TENT5A: variants seen among roughly 807,000 people sequenced by gnomAD.
The protein encoded by TENT5A is terminal nucleotidyltransferase 5A.
A neutral mutation model predicts 30.2 loss-of-function variants in TENT5A; 9 were observed. That is an observed-to-expected ratio of 0.30 (90% CI 0.18 to 0.52). The LOEUF (loss-of-function observed/expected upper bound fraction) is 0.52, where lower values mean the gene tolerates loss of function less well. TENT5A is among the 20% of genes least tolerant of loss of function. TENT5A has a pLI of 0.97. For synonymous variants in TENT5A, 264 were observed against 234.2 expected, an observed-to-expected ratio of 1.13 and a Z score of -1.16; for missense variants, 411 against 566.1, an observed-to-expected ratio of 0.73 and a Z score of 2.78.
In TENT5A at chr6:81,750,505, C is replaced by A. The variant is rs755273587; in HGVS notation, c.553-34G>T. On this transcript the variant is annotated intron_variant, in intron 2 of 2. Transcript: ENST00000320172. This position sits in a 1 kb window ranked among gnomAD's most constrained non-coding sequence, Gnocchi z 4.2. ...TAAAAGATAAAACAAAATGAGCAAACCTAGAAAATAATAAATCAATAAATA... is the reference window on the plus strand; with the variant it reads ...TAAAAGATAAAACAAAATGAGCAAAACTAGAAAATAATAAATCAATAAATA... 83 of 1,253,990 alleles carry A rather than the reference C, an allele frequency of 6.6e-5. No homozygotes were observed. The highest frequency in any genetic ancestry group is 1.9e-4 in the Middle Eastern group (1 of 5,154). The allele number at this position is 1,253,990 out of a possible 1,614,324, so 77.7% of individuals were successfully genotyped here.
chr6:81,750,710 A>C lies in TENT5A; in HGVS notation c.553-239T>G, dbSNP rs1265621844. Among the ~76,000 whole-genome samples, 3 of 152,244 alleles carry C rather than the reference A, an allele frequency of 2.0e-5. No individual in the cohort carries two copies. Among genetic ancestry groups the C allele is most frequent in the Non-Finnish European group, 4.4e-5 (3 of 68,040 alleles). On this transcript the variant is annotated intron_variant, in intron 2 of 2. Transcript: ENST00000320172. The surrounding 1 kb of genome is among the most constrained non-coding windows in gnomAD (Gnocchi z 4.2). ...GGTAATAGTTTGAGGCTTTTGGCAGACGTAGCACAGTAGTAAGAGGTTTTG... is the reference window on the plus strand; with the variant it reads ...GGTAATAGTTTGAGGCTTTTGGCAGCCGTAGCACAGTAGTAAGAGGTTTTG...
Position 81,747,215 on chromosome 6 carries a change from C to T in TENT5A, c.*2480G>A. On this transcript the variant is annotated 3_prime_UTR_variant, in exon 3 of 3. Coordinates refer to ENST00000320172, the MANE Select transcript of TENT5A (RefSeq NM_017633.3). Reference sequence around the variant, plus strand: ...GCAGATCACCAGCTGCTCCTGTGTTCACAAGTGCTCCCCTAGTTTTCTTTC... The same window carrying T: ...GCAGATCACCAGCTGCTCCTGTGTTTACAAGTGCTCCCCTAGTTTTCTTTC... 2 of 985,454 alleles carry T rather than the reference C, an allele frequency of 2.0e-6. No individual in the cohort carries two copies. Among genetic ancestry groups the T allele is most frequent in the Non-Finnish European group, 2.4e-6 (2 of 829,922 alleles). 61.0% of individuals were successfully genotyped at this position (985,454 alleles called of 1,614,324 possible).
rs1768917239 is a variant in TENT5A at position 81,747,856 on chromosome 6, T to C, written c.*1839A>G. The C allele has an allele frequency of 2.0e-6, 2 of 985,754 alleles. No individual in the cohort carries two copies. Among genetic ancestry groups the C allele is most frequent in the South Asian group, 4.7e-5 (1 of 21,294 alleles). The allele number at this position is 985,754 out of a possible 1,614,324, so 61.1% of individuals were successfully genotyped here. A position where few individuals can be genotyped will look rare whatever the true frequency, so the allele number is the denominator to read the frequency against. ...AAAGGGTGGTTTTAGGATTAGCTGTTATTGAACTGAAATAGTAATGCCAGT... is the reference window on the plus strand; with the variant it reads ...AAAGGGTGGTTTTAGGATTAGCTGTCATTGAACTGAAATAGTAATGCCAGT... On this transcript the variant is annotated 3_prime_UTR_variant, in exon 3 of 3. Transcript: ENST00000320172.
chr6:81,745,780 T>C lies in TENT5A; in HGVS notation c.*3915A>G. On this transcript the variant is annotated 3_prime_UTR_variant, in exon 3 of 3. Transcript: ENST00000320172. Reference sequence around the variant, plus strand: ...TTTACAAAAAAATCCAAATATTGGATGCTGTAAACAAAATTCACAATCTGT... The same window carrying C: ...TTTACAAAAAAATCCAAATATTGGACGCTGTAAACAAAATTCACAATCTGT... 1.0e-6 allele frequency: 1 copy of C among 985,586 alleles called. No homozygotes were observed. Among genetic ancestry groups the C allele is most frequent in the Non-Finnish European group, 1.2e-6 (1 of 829,686 alleles). The allele number at this position is 985,586 out of a possible 1,614,324, so 61.1% of individuals were successfully genotyped here. A position where few individuals can be genotyped will look rare whatever the true frequency, so the allele number is the denominator to read the frequency against.
Position 81,746,761 on chromosome 6 carries a change from T to C in TENT5A, c.*2934A>G. The C allele has an allele frequency of 8.2e-7, 1 of 1,218,452 alleles. No homozygotes were observed. The allele number at this position is 1,218,452 out of a possible 1,614,324, so 75.5% of individuals were successfully genotyped here. A position where few individuals can be genotyped will look rare whatever the true frequency, so the allele number is the denominator to read the frequency against. The stretch of plus-strand genomic sequence containing the variant: ...GGCGCTAATAGGGAGTCGGGAGCTG[T>C]TCTTTTCTCTGACCTATACACATGG... On this transcript the variant is annotated 3_prime_UTR_variant, in exon 3 of 3. Transcript: ENST00000320172.
At position 81,747,746 on chromosome 6, in the gene TENT5A, G is replaced by A. The variant is rs750536159; in HGVS notation, c.*1949C>T. 1.0e-6 allele frequency: 1 copy of A among 985,824 alleles called. No homozygotes were observed. The highest frequency in any genetic ancestry group is 1.2e-6 in the Non-Finnish European group (1 of 829,918). 61.1% of individuals were successfully genotyped at this position (985,824 alleles called of 1,614,324 possible). Reference sequence around the variant, plus strand: ...TATGTGGTTGTTTCACAACACAAAGGGAAGGTTCTTATGTGTTAGTTTTGT... The same window carrying A: ...TATGTGGTTGTTTCACAACACAAAGAGAAGGTTCTTATGTGTTAGTTTTGT... On this transcript the variant is annotated 3_prime_UTR_variant, in exon 3 of 3. Transcript: ENST00000320172.
rs1465821102 is a variant in TENT5A, at chr6:81,750,846, GGTTA to G, written c.553-379_553-376del. 6.6e-6 allele frequency among the ~76,000 whole-genome samples: 1 copy of G among 152,210 alleles called. No homozygotes were observed. The highest frequency in any genetic ancestry group is 1.5e-5 in the Non-Finnish European group (1 of 68,030). Reference sequence around the variant, plus strand: ...AGACTCGGAAGGGCATTCAGCGGTAGGTTAGTCAGCCTCTCGCCCTTGTTCCAAG... The same window carrying G: ...AGACTCGGAAGGGCATTCAGCGGTAGGTCAGCCTCTCGCCCTTGTTCCAAG... On this transcript the variant is annotated intron_variant, in intron 2 of 2. Coordinates refer to ENST00000320172, the MANE Select transcript of TENT5A (RefSeq NM_017633.3). This position sits in a 1 kb window ranked among gnomAD's most constrained non-coding sequence, Gnocchi z 4.2.
At position 81,750,583 on chromosome 6, in the gene TENT5A, T is replaced by A; in HGVS notation, c.553-112A>T. 1.4e-6 allele frequency: 1 copy of A among 729,402 alleles called. No homozygotes were observed. Among genetic ancestry groups the A allele is most frequent in the Non-Finnish European group, 2.1e-6 (1 of 471,888 alleles). 45.2% of individuals were successfully genotyped at this position (729,402 alleles called of 1,614,324 possible). A position where few individuals can be genotyped will look rare whatever the true frequency, so the allele number is the denominator to read the frequency against. Reference sequence around the variant, plus strand: ...ATTTTGCTCTTTCCCTTTTGTTTTGTCAAGTTTCAGCCAAACACTACCTAC... The same window carrying A: ...ATTTTGCTCTTTCCCTTTTGTTTTGACAAGTTTCAGCCAAACACTACCTAC... On this transcript the variant is annotated intron_variant, in intron 2 of 2. Coordinates refer to ENST00000320172, the MANE Select transcript of TENT5A (RefSeq NM_017633.3). The surrounding 1 kb of genome is among the most constrained non-coding windows in gnomAD (Gnocchi z 4.2).
At position 81,749,551 on chromosome 6, in the gene TENT5A, C is replaced by T; in HGVS notation, c.*144G>A. The T allele has an allele frequency of 3.6e-6, 5 of 1,403,668 alleles. No individual in the cohort carries two copies. Among genetic ancestry groups the T allele is most frequent in the Non-Finnish European group, 4.6e-6 (5 of 1,082,678 alleles). The allele number at this position is 1,403,668 out of a possible 1,614,324, so 87.0% of individuals were successfully genotyped here. On this transcript the variant is annotated 3_prime_UTR_variant, in exon 3 of 3. Transcript: ENST00000320172. ...TCTATTAAAAGATACATAAGCTTTG[C>T]CAAACTTAAAACCAGGAGCATATCA...
Position 81,748,756 on chromosome 6 carries a change from T to C in TENT5A, c.*939A>G. On this transcript the variant is annotated 3_prime_UTR_variant, in exon 3 of 3. Coordinates refer to ENST00000320172, the MANE Select transcript of TENT5A (RefSeq NM_017633.3). The stretch of plus-strand genomic sequence containing the variant: ...AGTATTTGCAAGAAAAAATAGGGCA[T>C]TTTCTCCACCATTCACAAGCTTATG... The C allele has an allele frequency of 1.0e-6, 1 of 985,718 alleles. No homozygotes were observed. Among genetic ancestry groups the C allele is most frequent in the Non-Finnish European group, 1.2e-6 (1 of 829,820 alleles). 61.1% of individuals were successfully genotyped at this position (985,718 alleles called of 1,614,324 possible).
At position 81,750,020 on chromosome 6, in the gene TENT5A, T is replaced by G; in HGVS notation, c.1004A>C (p.Lys335Thr). Residue 335 changes from lysine (K) to threonine (T), a missense_variant, in exon 3 of 3, where the codon AAA becomes ACA. Lys to Thr is a moderately conservative substitution (Grantham distance 78). Around this residue, in one of 5 missense-constraint regions of TENT5A, gnomAD observed 135 missense variants for 240.0 expected, o/e 0.56. Transcript: ENST00000320172. The surrounding 1 kb of genome is among the most constrained non-coding windows in gnomAD (Gnocchi z 4.2). ...DFSDIGEQQRKLESYLQNHFV... is the reference protein window; with the variant it reads ...DFSDIGEQQRTLESYLQNHFV... ...GTGGTTCTGCAAATAGGACTCCAGT[T>G]TTCTCTGCTGCTCTCCAATGTCTGA... The G allele has an allele frequency of 1.2e-6, 2 of 1,614,194 alleles. No homozygotes were observed. Among genetic ancestry groups the G allele is most frequent in the Non-Finnish European group, 1.7e-6 (2 of 1,180,036 alleles).
rs530864697 is a variant in TENT5A at position 81,752,575 on chromosome 6, C to G, written c.-182G>C. 1.1e-6 allele frequency: 1 copy of G among 871,918 alleles called. No individual in the cohort carries two copies. Among genetic ancestry groups the G allele is most frequent in the East Asian group, 2.6e-5 (1 of 37,908 alleles). 54.0% of individuals were successfully genotyped at this position (871,918 alleles called of 1,614,324 possible). On this transcript the variant is annotated 5_prime_UTR_variant, in exon 1 of 3. Coordinates refer to ENST00000320172, the MANE Select transcript of TENT5A (RefSeq NM_017633.3). ...CCCTGCCGCCTGCGCTCACCACTCC[C>G]TCCCCGCGACCCCTCCTGCGCCGCT...
At position 81,751,875 on chromosome 6, in the gene TENT5A, G is replaced by A. The variant is rs1230644651; in HGVS notation, c.267C>T (p.Asn89=). The stretch of plus-strand genomic sequence containing the variant: ...TCGGCTGCAGCTCGAGCGTGGGGAA[G>A]TTGCCGCGCCCGTGAATCGGAATGG... The part of the protein sequence containing the change: ...SETIPIHGRG[N]FPTLELQPSL... The change falls in exon 2 of 3, where the codon AAC becomes AAT. Residue 89 remains asparagine (N), a synonymous_variant. Transcript: ENST00000320172. 6.2e-7 allele frequency: 1 copy of A among 1,613,084 alleles called. No individual in the cohort carries two copies. Among genetic ancestry groups the A allele is most frequent in the Non-Finnish European group, 8.5e-7 (1 of 1,179,912 alleles).
At position 81,745,746 on chromosome 6, in the gene TENT5A, ACT is replaced by A. The variant is rs750913854; in HGVS notation, c.*3947_*3948del. The A allele has an allele frequency of 2.0e-6, 2 of 985,000 alleles. No homozygotes were observed. Among genetic ancestry groups the A allele is most frequent in the African/African-American group, 1.7e-5 (1 of 57,228 alleles). The allele number at this position is 985,000 out of a possible 1,614,324, so 61.0% of individuals were successfully genotyped here. A position where few individuals can be genotyped will look rare whatever the true frequency, so the allele number is the denominator to read the frequency against. On this transcript the variant is annotated 3_prime_UTR_variant, in exon 3 of 3. Transcript: ENST00000320172. The stretch of plus-strand genomic sequence containing the variant: ...AAACACAAATCAATAGAAAAAAATA[ACT>A]TTTTTATTTACAAAAAAATCCAAAT...
Position 81,752,044 on chromosome 6 carries a change from CCGAAGTCGCCGCCG to C in TENT5A, c.84_97del (p.Gly29ArgfsTer160), listed in dbSNP as rs1163440019. 6.3e-7 allele frequency: 1 copy of C among 1,585,866 alleles called. No homozygotes were observed. Among genetic ancestry groups the C allele is most frequent in the Admixed American group, 1.7e-5 (1 of 58,710 alleles). On this transcript the variant is annotated frameshift_variant, in exon 2 of 3. Coordinates refer to ENST00000320172, the MANE Select transcript of TENT5A (RefSeq NM_017633.3). LOFTEE classifies it high-confidence loss of function. ...GTCGCCGCCGCCGAAGTCGCCGCCG[CCGAAGTCGCCGCCG>C]CCGAAGTCGCCGCCTAGGGGGATGT... is the stretch of plus-strand genomic sequence containing the variant.
At chr6:81,752,385 C>G (rs766460643) in intron 1 of TENT5A, 46 bp downstream of exon 1, 2 of 1,549,788 alleles carry the variant, frequency 1.3e-6, no homozygotes, top group African/African-American at 2.7e-5. Flanking sequence ...CCAAAAGTAT[C>G]TCTGATGCAT....
In TENT5A at chr6:81,751,992, CCCACCGAAGCTGCCG is replaced by C; in HGVS notation, c.135_149del (p.Gly46_Gly50del). 6.7e-7 allele frequency: 1 copy of C among 1,499,600 alleles called. No individual in the cohort carries two copies. Among genetic ancestry groups the C allele is most frequent in the Non-Finnish European group, 8.9e-7 (1 of 1,124,020 alleles). 92.9% of individuals were successfully genotyped at this position (1,499,600 alleles called of 1,614,324 possible). On this transcript the variant is annotated inframe_deletion, in exon 2 of 3. Coordinates refer to ENST00000320172, the MANE Select transcript of TENT5A (RefSeq NM_017633.3). ...GGCTTTCGCAATAGTCCAAGCAATG[CCCACCGAAGCTGCCG>C]CCACCGCCGAAGTCGCCGCCGCCGA...
chr6:81,747,462 A>C lies in TENT5A; in HGVS notation c.*2233T>G. On this transcript the variant is annotated 3_prime_UTR_variant, in exon 3 of 3. Coordinates refer to ENST00000320172, the MANE Select transcript of TENT5A (RefSeq NM_017633.3). ...TGCAGCTCTGACAGAATTCACAAGG[A>C]AGCTGCTACAGCAAACCCATCAGGT... 3 of 985,848 alleles carry C rather than the reference A, an allele frequency of 3.0e-6. No individual in the cohort carries two copies. Among genetic ancestry groups the C allele is most frequent in the Non-Finnish European group, 3.6e-6 (3 of 829,918 alleles). 61.1% of individuals were successfully genotyped at this position (985,848 alleles called of 1,614,324 possible).
Position 81,750,046 on chromosome 6 carries a change from G to C in TENT5A, c.978C>G (p.Phe326Leu). ...TTCTCTGCTGCTCTCCAATGTCTGA[G>C]AAGTCGATGAAAAACCTGGAACACA... is the stretch of plus-strand genomic sequence containing the variant. ...RYMCSRFFID[F>L]SDIGEQQRKL... is the part of the protein sequence containing the mutation. Residue 326 changes from phenylalanine (F) to leucine (L), a missense_variant, in exon 3 of 3, where the codon TTC (phenylalanine) becomes TTG (leucine). Phe to Leu is a conservative substitution (Grantham distance 22). Coordinates refer to ENST00000320172, the MANE Select transcript of TENT5A (RefSeq NM_017633.3). This position sits in a 1 kb window ranked among gnomAD's most constrained non-coding sequence, Gnocchi z 4.2. The C allele has an allele frequency of 6.2e-7, 1 of 1,614,192 alleles. No homozygotes were observed. The highest frequency in any genetic ancestry group is 8.5e-7 in the Non-Finnish European group (1 of 1,180,028).
Sources: allele counts gnomAD v4.1 joint callset (sites outside exome capture counted in the v4.1 genomes callset), GRCh38; gene constraint gnomAD v4.1.1; regional missense constraint gnomAD v4.1.1; non-coding constraint Gnocchi (gnomAD v3.1); transcripts MANE v1.5; gene names NCBI Gene and HGNC (gene_info 2026-07-23, HGNC 2026-07-21).